Variants in IMMP2L observed in about 807,000 individuals in gnomAD.
IMMP2L encodes inner mitochondrial membrane peptidase subunit 2.
A neutral mutation model predicts 19.3 loss-of-function variants in IMMP2L; 18 were observed. The observed-to-expected ratio is 0.93, with a 90% CI of 0.64 to 1.38. IMMP2L has a LOEUF of 1.38. Among genes scored for constraint, IMMP2L ranks in the 40% most tolerant of loss-of-function variants. The pLI is 0.00. For synonymous variants in IMMP2L, 76 were observed against 73.0 expected (o/e 1.04, Z -0.21); for missense variants, 233 against 218.2 (o/e 1.07, Z -0.43).
chr7:110,880,252 C>CA (rs34345275), intron 5 of IMMP2L, among the ~76,000 whole-genome samples: 1 of 151,894 alleles, frequency 6.6e-6, no homozygotes, highest in African/African-American at 2.4e-5. Context: ...CTCCTTTATG[C>CA]AAAAAAGATC....
intron 3 of IMMP2L, among the ~76,000 whole-genome samples, chr7:111,061,639 A>G (rs1334285310): frequency 6.6e-6 from 1 of 152,162 alleles, no homozygotes; most frequent in Non-Finnish European, 1.5e-5. Context: ...TCAATTGTCC[A>G]TGCCAGGCTC....
chr7:110,954,545 C>A (rs1336686284), intron 4 of IMMP2L, among the ~76,000 whole-genome samples: 1 of 152,042 alleles, frequency 6.6e-6, no homozygotes, highest in Non-Finnish European at 1.5e-5. Flanking sequence ...ACTGTGTTAA[C>A]CAAATTATAT....
chr7:111,237,892 C>G (rs772214985), intron 3 of IMMP2L, among the ~76,000 whole-genome samples: 1 of 151,936 alleles, frequency 6.6e-6, no homozygotes, highest in African/African-American at 2.4e-5. Flanking sequence ...CTTTCCTGAT[C>G]TGTAAAATGG....
In IMMP2L at chr7:111,272,040, G is replaced by A. The variant is rs577040880; in HGVS notation, c.239+215198C>T. On this transcript the variant is annotated intron_variant, in intron 3 of 5. Transcript: ENST00000405709. The stretch of plus-strand genomic sequence containing the variant: ...CTCCATTTCTACTTTTTCCCCACCC[G>A]ATCTGTTTTCTGTAATGCAGACAGA... 6.0e-4 allele frequency among the ~76,000 whole-genome samples: 91 copies of A among 152,096 alleles called. 1 individual carries two copies. The highest frequency in any genetic ancestry group is 2.0e-3 in the African/African-American group (84 of 41,514).
chr7:111,135,455 G>A (rs1802242894), intron 3 of IMMP2L, among the ~76,000 whole-genome samples: 1 of 152,106 alleles, frequency 6.6e-6, no homozygotes, highest in Non-Finnish European at 1.5e-5. Flanking sequence ...TGACAGAGCT[G>A]TGTCTTTCTT....
At chr7:111,253,024 GCTT>G (rs898440794) in intron 3 of IMMP2L, among the ~76,000 whole-genome samples, 5 of 151,940 alleles carry the variant, frequency 3.3e-5, no homozygotes, top group Non-Finnish European at 5.9e-5. Context: ...TATTGCCTAC[GCTT>G]CTTCTAATTT....
chr7:111,231,008 G>C (rs1350368353), intron 3 of IMMP2L, among the ~76,000 whole-genome samples: 2 of 146,722 alleles, frequency 1.4e-5, no homozygotes, highest in Non-Finnish European at 3.0e-5. Context: ...CTATGATGTA[G>C]GTAAATAAGT....
At chr7:111,425,304 A>T (rs954502847) in intron 3 of IMMP2L, among the ~76,000 whole-genome samples, 2 of 144,940 alleles carry the variant, frequency 1.4e-5, no homozygotes, top group Non-Finnish European at 3.2e-5. Context: ...GGATGATGTT[A>T]ATGTTCTGTA....
At chr7:111,133,783 T>C (rs1047729880) in intron 3 of IMMP2L, among the ~76,000 whole-genome samples, 17 of 151,988 alleles carry the variant, frequency 1.1e-4, no homozygotes, top group South Asian at 2.1e-4. Context: ...ATAGGCACAC[T>C]CTATACTCCA....
intron 3 of IMMP2L, among the ~76,000 whole-genome samples, chr7:111,231,790 ACT>A (rs879547469): frequency 2.6e-5 from 4 of 151,694 alleles, no homozygotes; most frequent in Non-Finnish European, 4.4e-5. Context: ...TTCATAAAAA[ACT>A]CTATAAGTGT....
chr7:110,831,796 G>A (rs543804740), intron 5 of IMMP2L, among the ~76,000 whole-genome samples: 123 of 152,278 alleles, frequency 8.1e-4, no homozygotes, highest in Admixed American at 4.1e-3. Context: ...TGGGGTCACT[G>A]ATTTATTCAG....
Position 110,877,107 on chromosome 7 carries a change from C to A in IMMP2L, c.408+9486G>T, listed in dbSNP as rs759936799. Reference sequence around the variant, plus strand: ...AAAGCAGCCATAGTCAATATGAAAGCCAGAGTGTGGCTGTGTTCCAACATA... The same window carrying A: ...AAAGCAGCCATAGTCAATATGAAAGACAGAGTGTGGCTGTGTTCCAACATA... On this transcript the variant is annotated intron_variant, in intron 5 of 5. Coordinates refer to ENST00000405709, the MANE Select transcript of IMMP2L (RefSeq NM_032549.4). This position sits in a 1 kb window ranked among gnomAD's most constrained non-coding sequence, Gnocchi z 4.0. 6.6e-6 allele frequency among the ~76,000 whole-genome samples: 1 copy of A among 152,106 alleles called. No homozygotes were observed. The highest frequency in any genetic ancestry group is 2.4e-5 in the African/African-American group (1 of 41,428).
chr7:111,221,173 C>G (rs1238587026), intron 3 of IMMP2L, among the ~76,000 whole-genome samples: 2 of 151,974 alleles, frequency 1.3e-5, no homozygotes, highest in African/African-American at 4.8e-5. Context: ...TGTAGAGTAT[C>G]TCTTAAGAGC....
rs138241830 is a variant in IMMP2L, at chr7:110,847,849, C to T, written c.408+38744G>A. 2.6e-3 allele frequency among the ~76,000 whole-genome samples: 392 copies of T among 152,186 alleles called. 3 individuals are homozygous for T. Among genetic ancestry groups the T allele is most frequent in the African/African-American group, 8.7e-3 (361 of 41,536 alleles). ...AATAGTGCTGGAACAACAGGACATCCTTTTGCAAAATAATAATAATAAAAA... is the reference window on the plus strand; with the variant it reads ...AATAGTGCTGGAACAACAGGACATCTTTTTGCAAAATAATAATAATAAAAA... On this transcript the variant is annotated intron_variant, in intron 5 of 5. Coordinates refer to ENST00000405709, the MANE Select transcript of IMMP2L (RefSeq NM_032549.4).
intron 4 of IMMP2L, among the ~76,000 whole-genome samples, chr7:110,903,771 T>C (rs1812161393): frequency 1.3e-5 from 2 of 151,112 alleles, no homozygotes; most frequent in Non-Finnish European, 1.5e-5. Context: ...GTAGCTCTGT[T>C]TTCACTTTTT....
intron 3 of IMMP2L, among the ~76,000 whole-genome samples, chr7:111,323,209 C>T (rs1436076144): frequency 3.3e-5 from 5 of 151,954 alleles, no homozygotes; most frequent in African/African-American, 9.7e-5. Context: ...AGGCAACCTA[C>T]AGAACAGGAG....
chr7:110,700,913 T>C (rs1794240783), intron 5 of IMMP2L, among the ~76,000 whole-genome samples: 1 of 152,248 alleles, frequency 6.6e-6, no homozygotes, highest in Non-Finnish European at 1.5e-5. Flanking sequence ...GAAACTGGAA[T>C]GCACTATAAC....
Position 111,170,049 on chromosome 7 carries a change from T to G in IMMP2L, c.240-206484A>C, listed in dbSNP as rs190698562. Reference sequence around the variant, plus strand: ...CATCTATATTGCTGATGAAATACATTCATAAGCTGTTTTGTCTATACATAT... The same window carrying G: ...CATCTATATTGCTGATGAAATACATGCATAAGCTGTTTTGTCTATACATAT... On this transcript the variant is annotated intron_variant, in intron 3 of 5. Coordinates refer to ENST00000405709, the MANE Select transcript of IMMP2L (RefSeq NM_032549.4). 7.7e-4 allele frequency among the ~76,000 whole-genome samples: 117 copies of G among 152,046 alleles called. 1 individual carries two copies. Among genetic ancestry groups the G allele is most frequent in the African/African-American group, 2.6e-3 (109 of 41,512 alleles).
intron 3 of IMMP2L, among the ~76,000 whole-genome samples, chr7:111,152,021 T>G (rs956966687): frequency 6.6e-6 from 1 of 152,138 alleles, no homozygotes; most frequent in Non-Finnish European, 1.5e-5. Flanking sequence ...ATAATAACTC[T>G]GTATGAATGA....
Sources: gnomAD v4.1 joint callset for allele counts (sites outside exome capture counted in the v4.1 genomes callset) on GRCh38, gnomAD v4.1.1 for gene constraint, Gnocchi (gnomAD v3.1) non-coding constraint, MANE v1.5 for transcripts, NCBI Gene and HGNC (gene_info 2026-07-23, HGNC 2026-07-21) for gene names.